Variants in ITGBL1 observed in about 807,000 individuals in gnomAD.
ITGBL1 encodes integrin subunit beta like 1.
A neutral mutation model predicts 68.5 loss-of-function variants in ITGBL1; 51 were observed. The ratio of observed to expected loss-of-function variants is 0.74; its 90% CI spans 0.59 to 0.94. The LOEUF (loss-of-function observed/expected upper bound fraction) is 0.94, where lower values mean the gene tolerates loss of function less well. ITGBL1 is among the 40% of genes least tolerant of loss of function. The pLI, the probability that ITGBL1 is intolerant of heterozygous loss-of-function variation, is 0.00. For missense variants in ITGBL1, 649 were observed against 647.4 expected, an observed-to-expected ratio of 1.00 and a Z score of -0.03; for synonymous variants, 209 against 227.3, an observed-to-expected ratio of 0.92 and a Z score of 0.72.
At chr13:101,637,728 T>A (rs779967605) in intron 7 of ITGBL1, among the ~76,000 whole-genome samples, 1 of 152,130 alleles carries the variant, frequency 6.6e-6, no homozygotes, top group Non-Finnish European at 1.5e-5. Flanking sequence ...AAGCCAACTC[T>A]CTCTTTTACC....
chr13:101,629,054 T>A (rs2031890115), intron 7 of ITGBL1, among the ~76,000 whole-genome samples: 1 of 152,170 alleles, frequency 6.6e-6, no homozygotes, highest in Admixed American at 6.5e-5. Context: ...AAGAAAATCA[T>A]ATGACCTTTT....
chr13:101,712,906 T>G (rs2034540525), intron 9 of ITGBL1: 1 of 152,200 alleles, frequency 6.6e-6, no homozygotes, highest in African/African-American at 2.4e-5. Context: ...GAGCAGCAGC[T>G]CACTGGGTCC....
Position 101,619,088 on chromosome 13 carries a change from T to A in ITGBL1, c.1015+20789T>A, listed in dbSNP as rs77175772. Among the ~76,000 whole-genome samples, 1,443 of 152,168 alleles carry A rather than the reference T, an allele frequency of 9.5e-3. 26 individuals are homozygous for A. Among genetic ancestry groups the A allele is most frequent in the African/African-American group, 0.033 (1,363 of 41,532 alleles). Reference sequence around the variant, plus strand: ...CATTCAGGTTGATATTGATCTTGAGTATCATTGATTACGTGTACAGCCTTC... The same window carrying A: ...CATTCAGGTTGATATTGATCTTGAGAATCATTGATTACGTGTACAGCCTTC... On this transcript the variant is annotated intron_variant, in intron 7 of 10. Coordinates refer to ENST00000376180, the MANE Select transcript of ITGBL1 (RefSeq NM_004791.3).
Position 101,671,564 on chromosome 13 carries a change from G to A in ITGBL1, c.1016-21021G>A, listed in dbSNP as rs867590261. Among the ~76,000 whole-genome samples, 71 of 147,934 alleles carry A rather than the reference G, an allele frequency of 4.8e-4. 1 individual carries two copies. Among genetic ancestry groups the A allele is most frequent in the Non-Finnish European group, 8.0e-4 (54 of 67,130 alleles). On this transcript the variant is annotated intron_variant, in intron 7 of 10. Coordinates refer to ENST00000376180, the MANE Select transcript of ITGBL1 (RefSeq NM_004791.3). ...CGCCATTCTCCTGCCTCAGCCTCCC[G>A]AGTAGCTGGGACTACAGGCGCCCGC... is the stretch of plus-strand genomic sequence containing the variant.
intron 2 of ITGBL1, among the ~76,000 whole-genome samples, chr13:101,504,159 C>T (rs2139092562): frequency 6.6e-6 from 1 of 152,184 alleles, no homozygotes; most frequent in Middle Eastern, 3.4e-3. Flanking sequence ...ACATATATTT[C>T]CAGGAGGGCT....
intron 2 of ITGBL1, among the ~76,000 whole-genome samples, chr13:101,459,170 T>C (rs4772385): frequency 0.05 from 7,595 of 152,232 alleles, 287 homozygotes; most frequent in South Asian, 0.1. Context: ...AATGAAAAAT[T>C]AATGCTAGCA....
chr13:101,472,844 CAT>C (rs1439138531), intron 2 of ITGBL1, among the ~76,000 whole-genome samples: 5 of 151,856 alleles, frequency 3.3e-5, no homozygotes, highest in African/African-American at 1.2e-4. Context: ...ATTTGACAAA[CAT>C]ATTTATCCAT....
intron 2 of ITGBL1, among the ~76,000 whole-genome samples, chr13:101,505,526 C>A (rs1478143439): frequency 3.3e-5 from 5 of 152,160 alleles, no homozygotes; most frequent in African/African-American, 1.2e-4. Flanking sequence ...ATAAAACATT[C>A]ATTATCTTAT....
chr13:101,660,238 G>GT (rs1037537621), intron 7 of ITGBL1, among the ~76,000 whole-genome samples: 16 of 152,156 alleles, frequency 1.1e-4, no homozygotes, highest in Non-Finnish European at 2.4e-4. Flanking sequence ...GAGGTTAGGG[G>GT]TTTTTTCAAA....
At chr13:101,688,339 C>A (rs2033804983) in intron 7 of ITGBL1, among the ~76,000 whole-genome samples, 1 of 152,034 alleles carries the variant, frequency 6.6e-6, no homozygotes, top group Admixed American at 6.6e-5. Context: ...TCCAGGTAAC[C>A]AACCTGGGAT....
chr13:101,460,159 C>T (rs1473125808), intron 2 of ITGBL1, among the ~76,000 whole-genome samples: 1 of 152,176 alleles, frequency 6.6e-6, no homozygotes, highest in African/African-American at 2.4e-5. Flanking sequence ...CACTCCTTCA[C>T]CTCCGTCTAG....
intron 7 of ITGBL1, among the ~76,000 whole-genome samples, chr13:101,640,031 G>T (rs2032309894): frequency 6.6e-6 from 1 of 152,114 alleles, no homozygotes; most frequent in African/African-American, 2.4e-5. Context: ...GGAAATTCTT[G>T]ACAACTTATA....
chr13:101,568,304 A>AT (rs1476746881), intron 3 of ITGBL1, among the ~76,000 whole-genome samples: 1 of 152,164 alleles, frequency 6.6e-6, no homozygotes, highest in Non-Finnish European at 1.5e-5. Context: ...TCACAGAAAG[A>AT]TTTTTTGTTT....
In ITGBL1 at chr13:101,605,396, ATGTG is replaced by A. The variant is rs1443523442; in HGVS notation, c.1015+7101_1015+7104del. Among the ~76,000 whole-genome samples, 32 of 110,852 alleles carry A rather than the reference ATGTG, an allele frequency of 2.9e-4. 3 individuals are homozygous for A. Among genetic ancestry groups the A allele is most frequent in the African/African-American group, 1.1e-3 (30 of 26,538 alleles). The allele number at this position is 110,852 out of a possible 152,430, so 72.7% of individuals were successfully genotyped here. On this transcript the variant is annotated intron_variant, in intron 7 of 10. Transcript: ENST00000376180. ...TATATATACACATATATGGGCATGT[ATGTG>A]TGTATATGCGTATATATACACATAT...
intron 2 of ITGBL1, among the ~76,000 whole-genome samples, chr13:101,460,802 G>T (rs74867616): frequency 1.6e-5 from 1 of 61,170 alleles, no homozygotes; most frequent in Non-Finnish European, 3.3e-5. Context: ...AGAGGGAGGG[G>T]TACCACATTC....
chr13:101,557,860 G>A (rs1347148513), intron 2 of ITGBL1, among the ~76,000 whole-genome samples: 1 of 152,046 alleles, frequency 6.6e-6, no homozygotes, highest in African/African-American at 2.4e-5. Context: ...GGAGGCCGAG[G>A]TGGGCGGATC....
chr13:101,657,119 T>C (rs2139468215), intron 7 of ITGBL1, among the ~76,000 whole-genome samples: 1 of 152,314 alleles, frequency 6.6e-6, no homozygotes. Context: ...ATGGCTTGAC[T>C]TGGCCTTAAA....
intron 7 of ITGBL1, among the ~76,000 whole-genome samples, chr13:101,613,302 T>C (rs1253590472): frequency 1.3e-5 from 2 of 152,188 alleles, no homozygotes; most frequent in Non-Finnish European, 2.9e-5. Context: ...GTTCATTCAT[T>C]CATTCATTCA....
intron 7 of ITGBL1, among the ~76,000 whole-genome samples, chr13:101,667,911 A>AC (rs2033262345): frequency 1.3e-5 from 2 of 152,002 alleles, no homozygotes; most frequent in Admixed American, 6.6e-5. Context: ...AAAAAAAAAA[A>AC]AACCCCAAAT....
Sources: gnomAD v4.1 joint callset for allele counts (sites outside exome capture counted in the v4.1 genomes callset) on GRCh38, gnomAD v4.1.1 for gene constraint, MANE v1.5 for transcripts, NCBI Gene and HGNC (gene_info 2026-07-23, HGNC 2026-07-21) for gene names.